The following LEKR1 variants were observed in gnomAD, a reference collection of about 807,000 sequenced individuals.
LEKR1 encodes leucine, glutamate and lysine rich 1.
LEKR1 carries 59 observed loss-of-function variants against 72.4 expected under a neutral mutation model. The observed-to-expected ratio is 0.82, with a 90% CI of 0.66 to 1.01. LEKR1 has a LOEUF of 1.01. Among genes scored for constraint, LEKR1 ranks in the 50% least tolerant of loss-of-function variants. The pLI, the probability that LEKR1 is intolerant of heterozygous loss-of-function variation, is 0.00. For synonymous variants in LEKR1, 257 were observed against 263.2 expected (o/e 0.98, Z 0.23); for missense variants, 728 against 759.2 (o/e 0.96, Z 0.48).
chr3:157,035,069 AT>A (rs1053546925), intron 12 of LEKR1, among the ~76,000 whole-genome samples: 1 of 152,322 alleles, frequency 6.6e-6, no homozygotes, highest in African/African-American at 2.4e-5. Flanking sequence ...GATTGATAGC[AT>A]TTTTTAGCAG....
intron 3 of LEKR1, among the ~76,000 whole-genome samples, chr3:156,891,646 T>C (rs2108557629): frequency 6.6e-6 from 1 of 152,280 alleles, no homozygotes; most frequent in South Asian, 2.1e-4. Flanking sequence ...CATAGCTTAC[T>C]TGAAGGGACT....
chr3:156,995,725 A>G (rs1459315420), intron 9 of LEKR1, among the ~76,000 whole-genome samples: 6 of 152,156 alleles, frequency 3.9e-5, no homozygotes, highest in African/African-American at 1.4e-4. Flanking sequence ...CCAGCTACTC[A>G]GGAGGCTGAG....
intron 6 of LEKR1, among the ~76,000 whole-genome samples, chr3:156,950,637 A>G (rs1465564342): frequency 6.6e-6 from 1 of 150,950 alleles, no homozygotes; most frequent in East Asian, 1.9e-4. Context: ...TAAATTGTAA[A>G]TGGGATTGTG....
intron 3 of LEKR1, among the ~76,000 whole-genome samples, chr3:156,885,536 C>T (rs1719955588): frequency 6.6e-6 from 1 of 152,184 alleles, no homozygotes; most frequent in Non-Finnish European, 1.5e-5. Flanking sequence ...AGCTGGACTG[C>T]AGTGATTGTT....
chr3:157,043,667 A>C (rs1445774281), intron 12 of LEKR1, among the ~76,000 whole-genome samples: 2 of 152,214 alleles, frequency 1.3e-5, no homozygotes, highest in Non-Finnish European at 2.9e-5. Flanking sequence ...GCAGGAAATA[A>C]GATGACACCT....
At chr3:156,996,537 C>T (rs1731585247) in intron 9 of LEKR1, among the ~76,000 whole-genome samples, 1 of 152,186 alleles carries the variant, frequency 6.6e-6, no homozygotes, top group Non-Finnish European at 1.5e-5. Flanking sequence ...AGAAGAGTGA[C>T]ACTGTAGAAA....
intron 10 of LEKR1, among the ~76,000 whole-genome samples, chr3:157,020,613 A>G (rs1287535314): frequency 6.6e-6 from 1 of 151,220 alleles, no homozygotes; most frequent in Non-Finnish European, 1.5e-5. Flanking sequence ...TGAACTCATC[A>G]TTTTTTATGG....
At chr3:156,985,218 C>A (rs1372103732) in intron 7 of LEKR1, among the ~76,000 whole-genome samples, 2 of 151,954 alleles carry the variant, frequency 1.3e-5, no homozygotes, top group Admixed American at 1.3e-4. Context: ...ATGCTAAGTG[C>A]CGCAAAAATA....
At chr3:156,890,977 A>T (rs1243188225) in intron 3 of LEKR1, among the ~76,000 whole-genome samples, 1 of 149,358 alleles carries the variant, frequency 6.7e-6, no homozygotes, top group Non-Finnish European at 1.5e-5. Flanking sequence ...CTCCTGCCTC[A>T]GCCTCCCGAG....
intron 5 of LEKR1, among the ~76,000 whole-genome samples, chr3:156,928,020 G>A (rs1724887493): frequency 6.6e-6 from 1 of 151,848 alleles, no homozygotes; most frequent in African/African-American, 2.4e-5. Flanking sequence ...TTAAAAGAAG[G>A]CATACTAAGT....
At chr3:157,025,410 T>G (rs1734114490) in intron 11 of LEKR1, among the ~76,000 whole-genome samples, 1 of 152,214 alleles carries the variant, frequency 6.6e-6, no homozygotes, top group African/African-American at 2.4e-5. Context: ...ACTAAAGGTT[T>G]TGTTAAGGTT....
At chr3:156,994,202 T>C (rs1731362735) in intron 9 of LEKR1, among the ~76,000 whole-genome samples, 1 of 152,178 alleles carries the variant, frequency 6.6e-6, no homozygotes, top group South Asian at 2.1e-4. Flanking sequence ...ATCTTTTTTT[T>C]CTTTGAGTCC....
chr3:156,830,540 A>G (rs1712239781), intron 2 of LEKR1, among the ~76,000 whole-genome samples: 1 of 152,238 alleles, frequency 6.6e-6, no homozygotes, highest in East Asian at 1.9e-4. Flanking sequence ...GAAATTTATG[A>G]TGTTGTAGCT....
At chr3:156,916,595 A>G (rs1553802605) in intron 3 of LEKR1, among the ~76,000 whole-genome samples, 1 of 152,066 alleles carries the variant, frequency 6.6e-6, no homozygotes, top group Non-Finnish European at 1.5e-5. Context: ...TGATTTTTGT[A>G]TGTTGATTTT....
At chr3:156,876,413 G>T (rs564132232) in intron 3 of LEKR1, among the ~76,000 whole-genome samples, 1 of 152,128 alleles carries the variant, frequency 6.6e-6, no homozygotes, top group Non-Finnish European at 1.5e-5. Flanking sequence ...TCTATGGATT[G>T]CTTTTGGCAG....
chr3:156,904,548 C>T (rs1054374686), intron 3 of LEKR1, among the ~76,000 whole-genome samples: 11 of 151,550 alleles, frequency 7.3e-5, no homozygotes, highest in Non-Finnish European at 1.0e-4. Flanking sequence ...CAGCCTTGAA[C>T]GCTCGGGCTC....
chr3:156,964,891 T>G (rs1321332400), intron 6 of LEKR1, among the ~76,000 whole-genome samples: 3 of 152,212 alleles, frequency 2.0e-5, no homozygotes, highest in African/African-American at 7.2e-5. Context: ...TTAACTTACT[T>G]TATTATTAAC....
chr3:156,910,016 T>C (rs1277431736), intron 3 of LEKR1, among the ~76,000 whole-genome samples: 1 of 152,186 alleles, frequency 6.6e-6, no homozygotes, highest in Non-Finnish European at 1.5e-5. Context: ...AAACAATGTT[T>C]GGTTAACTCC....
intron 10 of LEKR1, among the ~76,000 whole-genome samples, chr3:157,014,590 A>G (rs1359850441): frequency 1.3e-5 from 2 of 152,180 alleles, no homozygotes; most frequent in African/African-American, 4.8e-5. Context: ...GTTGTTATTT[A>G]TAAAATATCA....
Sources: gnomAD v4.1 joint callset for allele counts (sites outside exome capture counted in the v4.1 genomes callset) on GRCh38, gnomAD v4.1.1 for gene constraint, MANE v1.5 for transcripts, NCBI Gene and HGNC (gene_info 2026-07-23, HGNC 2026-07-21) for gene names.